Variants in TTC28 observed in about 807,000 individuals in gnomAD.
TTC28 encodes the protein tetratricopeptide repeat domain 28.
TTC28 carries 61 observed loss-of-function variants against 198.0 expected under a neutral mutation model. The ratio of observed to expected loss-of-function variants is 0.31; its 90% CI spans 0.25 to 0.38. TTC28 has a LOEUF of 0.38. Ranked by LOEUF, TTC28 falls within the 10% of genes least tolerant of loss-of-function variation. The pLI, the probability that TTC28 is intolerant of heterozygous loss-of-function variation, is 1.00. For synonymous variants in TTC28, 1,171 were observed against 1,297.8 expected (o/e 0.90, Z 2.10); for missense variants, 2,678 against 3,164.0 (o/e 0.85, Z 3.69).
At chr22:28,563,691 T>C (rs2049926504) in intron 2 of TTC28, among the ~76,000 whole-genome samples, 1 of 152,122 alleles carries the variant, frequency 6.6e-6, no homozygotes, top group Non-Finnish European at 1.5e-5. Flanking sequence ...CCTTGTAGAT[T>C]GCTGGTGGGA....
chr22:28,426,165 T>C (rs1380613778), intron 2 of TTC28, among the ~76,000 whole-genome samples: 2 of 137,630 alleles, frequency 1.5e-5, no homozygotes, highest in Non-Finnish European at 3.0e-5. Context: ...TGAGCTGAGA[T>C]CGCAACACTG....
Position 27,983,020 on chromosome 22 carries a change from C to T in TTC28, c.6647G>A (p.Arg2216Lys). ...FRASETSAFSRPVLSHQKSQP... is the reference protein window; with the variant it reads ...FRASETSAFSKPVLSHQKSQP... ...ACTCTTCTGATGGGAGAGAACAGGC[C>T]TGCTGAACGCACTGGTTTCTGACGC... The change falls in exon 23 of 23, where the codon AGG becomes AAG. Residue 2216 changes from arginine to lysine, a missense_variant. Arg to Lys is a conservative substitution (Grantham distance 26). This residue lies in a region of TTC28 where 622 missense variants were observed against 656.0 expected (regional missense o/e 0.95). Coordinates refer to ENST00000397906, the MANE Select transcript of TTC28 (RefSeq NM_001145418.2). 2 of 1,551,646 alleles carry T rather than the reference C, an allele frequency of 1.3e-6. No homozygotes were observed. The highest frequency in any genetic ancestry group is 1.7e-6 in the Non-Finnish European group (2 of 1,146,966).
intron 2 of TTC28, among the ~76,000 whole-genome samples, chr22:28,596,785 T>C (rs2050549591): frequency 6.6e-6 from 1 of 152,144 alleles, no homozygotes; most frequent in South Asian, 2.1e-4. Flanking sequence ...TATCTCCAAA[T>C]AGCTCATGAT....
chr22:28,630,987 C>T (rs2051164195), intron 1 of TTC28, among the ~76,000 whole-genome samples: 1 of 152,120 alleles, frequency 6.6e-6, no homozygotes, highest in Non-Finnish European at 1.5e-5. Context: ...GGAACAGTGG[C>T]ATGCACCTGT....
chr22:28,107,873 C>G lies in TTC28; in HGVS notation c.1972G>C (p.Glu658Gln). 1 of 1,551,780 alleles carries G rather than the reference C, an allele frequency of 6.4e-7. No individual in the cohort carries two copies. Among genetic ancestry groups the G allele is most frequent in the South Asian group, 1.2e-5 (1 of 84,054 alleles). The part of the protein sequence containing the change: ...GNYQEAVKYY[E>Q]QDLALAKDLH... ...TCTTTAGCCAGTGCCAGATCCTGTT[C>G]GTAGTACTTCACTGCCTCCTGATAG... Residue 658 changes from glutamate to glutamine, a missense_variant, in exon 7 of 23, where the codon GAA becomes CAA. Coordinates refer to ENST00000397906, the MANE Select transcript of TTC28 (RefSeq NM_001145418.2).
At chr22:28,370,477 T>C (rs2046315778) in intron 2 of TTC28, among the ~76,000 whole-genome samples, 1 of 152,238 alleles carries the variant, frequency 6.6e-6, no homozygotes, top group Non-Finnish European at 1.5e-5. Context: ...CCCATTTTGA[T>C]AGGCAAATGA....
At chr22:28,598,509 C>CAAAAAAAAAA in intron 2 of TTC28, among the ~76,000 whole-genome samples, 1 of 52,682 alleles carries the variant, frequency 1.9e-5, no homozygotes, top group Non-Finnish European at 3.2e-5. Flanking sequence ...ACTACGTCTC[C>CAAAAAAAAAA]AAAAAAAAAA....
intron 2 of TTC28, among the ~76,000 whole-genome samples, chr22:28,528,520 A>C (rs2145888706): frequency 6.6e-6 from 1 of 151,984 alleles, no homozygotes. Flanking sequence ...ACTTGAGGTT[A>C]GGAGCTCTGG....
At chr22:28,394,807 G>A (rs768194376) in intron 2 of TTC28, among the ~76,000 whole-genome samples, 15 of 152,026 alleles carry the variant, frequency 9.9e-5, no homozygotes, top group South Asian at 2.1e-4. Context: ...TTTCAATAAC[G>A]TATGAATTTC....
chr22:27,993,784 T>C (rs1937499454), intron 17 of TTC28, among the ~76,000 whole-genome samples: 1 of 151,982 alleles, frequency 6.6e-6, no homozygotes, highest in Admixed American at 6.6e-5. Context: ...ACCAACCCCT[T>C]CCACACTCTC....
intron 2 of TTC28, among the ~76,000 whole-genome samples, chr22:28,397,464 T>A (rs1413899168): frequency 1.3e-5 from 2 of 152,230 alleles, no homozygotes; most frequent in Non-Finnish European, 2.9e-5. Context: ...CCATACATAA[T>A]GTTGCATCCT....
chr22:28,508,790 CTT>C (rs2048646848), intron 2 of TTC28, among the ~76,000 whole-genome samples: 1 of 152,048 alleles, frequency 6.6e-6, no homozygotes, highest in African/African-American at 2.4e-5. Context: ...TAGTGGGAGA[CTT>C]TAACACCCCA....
At chr22:28,006,476 T>C (rs1355051539) in intron 14 of TTC28, 1 of 152,232 alleles carries the variant, frequency 6.6e-6, no homozygotes, top group Non-Finnish European at 1.5e-5. Context: ...ATTTTTCCAG[T>C]ATTACTCATT....
At chr22:28,127,894 A>ATTT (rs35611269) in intron 6 of TTC28, among the ~76,000 whole-genome samples, 3 of 137,650 alleles carry the variant, frequency 2.2e-5, no homozygotes, top group African/African-American at 5.4e-5. Context: ...TGCCTGGCTA[A>ATTT]TTTTTTTTTT....
chr22:28,576,115 T>C (rs2050145697), intron 2 of TTC28, among the ~76,000 whole-genome samples: 1 of 152,156 alleles, frequency 6.6e-6, no homozygotes, highest in African/African-American at 2.4e-5. Context: ...TTCCGTGTAA[T>C]ACTAGCTGTA....
intron 2 of TTC28, among the ~76,000 whole-genome samples, chr22:28,461,532 G>T (rs1035468196): frequency 6.6e-6 from 1 of 152,058 alleles, no homozygotes; most frequent in African/African-American, 2.4e-5. Flanking sequence ...TGCCTCCTGG[G>T]TTCAGGCAAT....
At chr22:28,405,982 T>C (rs2046992637) in intron 2 of TTC28, among the ~76,000 whole-genome samples, 1 of 152,272 alleles carries the variant, frequency 6.6e-6, no homozygotes, top group Non-Finnish European at 1.5e-5. Context: ...GCTGCTGCTA[T>C]ACACTGTCAC....
chr22:28,333,129 A>G (rs2145878950), intron 2 of TTC28, among the ~76,000 whole-genome samples: 1 of 152,262 alleles, frequency 6.6e-6, no homozygotes, highest in Non-Finnish European at 1.5e-5. Flanking sequence ...AAACTAAAAC[A>G]ATTTTAAATT....
rs796202990 is a variant in TTC28, at chr22:28,453,856, C to T, written c.382-147213G>A. Among the ~76,000 whole-genome samples the T allele has an allele frequency of 5.9e-5, 9 of 152,296 alleles. 1 individual carries two copies. The highest frequency in any genetic ancestry group is 1.9e-4 in the African/African-American group (8 of 41,570). On this transcript the variant is annotated intron_variant, in intron 2 of 22. Coordinates refer to ENST00000397906, the MANE Select transcript of TTC28 (RefSeq NM_001145418.2). ...TGTACATTTCCCCCTGCTTAAGACC[C>T]GCTTAAGGCTTCCCTTTGCACAAAA... is the stretch of plus-strand genomic sequence containing the variant.
Sources: gnomAD v4.1 joint callset for allele counts (sites outside exome capture counted in the v4.1 genomes callset) on GRCh38, gnomAD v4.1.1 for gene constraint, gnomAD v4.1.1 regional missense constraint, MANE v1.5 for transcripts, NCBI Gene and HGNC (gene_info 2026-07-23, HGNC 2026-07-21) for gene names.